The following HPSE2 variants were observed in gnomAD, a reference collection of about 807,000 sequenced individuals.
HPSE2 encodes the protein inactive heparanase-2.
HPSE2 carries 38 observed loss-of-function variants against 60.5 expected under a neutral mutation model. The observed-to-expected ratio is 0.63, with a 90% CI of 0.48 to 0.82. HPSE2 has a LOEUF of 0.82. Among genes scored for constraint, HPSE2 ranks in the 40% least tolerant of loss-of-function variants. The probability of loss-of-function intolerance (pLI) is 0.00; values close to 1 mark genes in which losing one functional copy is unlikely to be tolerated. For missense variants in HPSE2, 713 were observed against 740.4 expected (o/e 0.96, Z 0.43); for synonymous variants, 295 against 293.2 (o/e 1.01, Z -0.06).
chr10:99,283,598 C>A, the HPSE2 span, among the ~76,000 whole-genome samples: 3 of 151,622 alleles, frequency 2.0e-5, no homozygotes, highest in Admixed American at 6.6e-5. Flanking sequence ...AATTAACAAA[C>A]CTTTAGGCAA....
intron 3 of HPSE2, among the ~76,000 whole-genome samples, chr10:99,065,483 TA>T: frequency 6.6e-6 from 1 of 152,310 alleles, no homozygotes; most frequent in East Asian, 1.9e-4. Flanking sequence ...AAAAATCAAT[TA>T]TTTTTATTCA....
At chr10:98,559,843 T>A (rs1386950148) in intron 9 of HPSE2, among the ~76,000 whole-genome samples, 2 of 152,086 alleles carry the variant, frequency 1.3e-5, no homozygotes, top group African/African-American at 4.8e-5. Flanking sequence ...GAAGAGATGG[T>A]TTGTGAGCTG....
chr10:99,177,697 A>C (rs1430470226), intron 2 of HPSE2, among the ~76,000 whole-genome samples: 2 of 152,156 alleles, frequency 1.3e-5, no homozygotes, highest in Non-Finnish European at 2.9e-5. Context: ...CCCACTGTCA[A>C]TATTAGACAG....
chr10:99,214,357 T>G (rs919635063), intron 2 of HPSE2, among the ~76,000 whole-genome samples: 1 of 152,220 alleles, frequency 6.6e-6, no homozygotes, highest in African/African-American at 2.4e-5. Context: ...CTCCTTGGTA[T>G]ATACTCAAGA....
chr10:98,847,137 C>T (rs553524436), intron 3 of HPSE2, among the ~76,000 whole-genome samples: 2 of 152,178 alleles, frequency 1.3e-5, no homozygotes, highest in East Asian at 1.9e-4. Context: ...ACAGAAGATA[C>T]AAACTCAGAA....
At chr10:99,094,540 A>ATATATATATATATATATT in intron 3 of HPSE2, among the ~76,000 whole-genome samples, 1 of 26,614 alleles carries the variant, frequency 3.8e-5, no homozygotes, top group Non-Finnish European at 6.0e-5. Flanking sequence ...ATATATATAT[A>ATATATATATATATATATT]TTTTTTTTTT....
intron 4 of HPSE2, among the ~76,000 whole-genome samples, chr10:98,722,134 T>C (rs529509461): frequency 6.6e-6 from 1 of 150,420 alleles, no homozygotes; most frequent in African/African-American, 2.4e-5. Flanking sequence ...TCCCCCAAAA[T>C]TTATGTCTAC....
intron 3 of HPSE2, among the ~76,000 whole-genome samples, chr10:99,008,431 C>A (rs1214605002): frequency 6.6e-6 from 1 of 151,934 alleles, no homozygotes; most frequent in African/African-American, 2.4e-5. Flanking sequence ...AATGAGAGGC[C>A]AAAAGGAAAG....
At chr10:98,740,857 A>G (rs1949479028) in intron 4 of HPSE2, among the ~76,000 whole-genome samples, 1 of 152,206 alleles carries the variant, frequency 6.6e-6, no homozygotes, top group South Asian at 2.1e-4. Flanking sequence ...TTGGAGAAAC[A>G]TGTCTACCAT....
chr10:98,686,491 T>A (rs180881635), intron 6 of HPSE2, among the ~76,000 whole-genome samples: 1 of 152,226 alleles, frequency 6.6e-6, no homozygotes, highest in African/African-American at 2.4e-5. Flanking sequence ...AGCCTCAAAC[T>A]CCTGGATTCA....
At chr10:98,781,071 C>G (rs1027329453) in intron 3 of HPSE2, among the ~76,000 whole-genome samples, 1 of 151,982 alleles carries the variant, frequency 6.6e-6, no homozygotes, top group African/African-American at 2.4e-5. Flanking sequence ...TGTAGGAAGC[C>G]TGGAATCCTG....
At chr10:99,219,497 G>A (rs1237758316) in intron 2 of HPSE2, among the ~76,000 whole-genome samples, 1 of 152,086 alleles carries the variant, frequency 6.6e-6, no homozygotes, top group Non-Finnish European at 1.5e-5. Flanking sequence ...GTTTCAGATT[G>A]GCCCAACCAC....
At chr10:98,538,260 C>T (rs183403042) in intron 9 of HPSE2, among the ~76,000 whole-genome samples, 11 of 152,294 alleles carry the variant, frequency 7.2e-5, no homozygotes, top group Non-Finnish European at 1.5e-4. Context: ...CTTTCGTCTC[C>T]GCACATGGGG....
intron 6 of HPSE2, among the ~76,000 whole-genome samples, chr10:98,679,823 C>T (rs1947739603): frequency 6.6e-6 from 1 of 151,928 alleles, no homozygotes; most frequent in African/African-American, 2.4e-5. Flanking sequence ...TCCTGTGTAG[C>T]TAGAACTACA....
intron 9 of HPSE2, among the ~76,000 whole-genome samples, chr10:98,511,204 G>A (rs1392518593): frequency 6.6e-6 from 1 of 150,576 alleles, no homozygotes; most frequent in Non-Finnish European, 1.5e-5. Context: ...AGGCTGGAGT[G>A]CAGTGGCACG....
rs112941960 is a variant in HPSE2 at position 98,827,366 on chromosome 10, C to T, written c.611-83310G>A. Among the ~76,000 whole-genome samples the T allele has an allele frequency of 7.0e-4, 107 of 151,930 alleles. No individual in the cohort carries two copies. The South Asian group carries it at 0.02, about 29-fold the overall frequency. On this transcript the variant is annotated intron_variant, in intron 3 of 11. Transcript: ENST00000370552. ...GACTACAGGCATGCACCACCACGCC[C>T]GGCTAATTTTTTTGTATTTTTAGTA...
At chr10:99,271,298 C>T in the HPSE2 span, among the ~76,000 whole-genome samples, 408 of 152,238 alleles carry the variant, frequency 2.7e-3, no homozygotes, top group Middle Eastern at 0.01. Context: ...TTTCAGGATA[C>T]GAAATTAATA....
At chr10:99,183,397 T>A (rs1847853556) in intron 2 of HPSE2, among the ~76,000 whole-genome samples, 1 of 152,208 alleles carries the variant, frequency 6.6e-6, no homozygotes. Context: ...TGTTTTTGGA[T>A]AAACATGGAA....
intron 3 of HPSE2, among the ~76,000 whole-genome samples, chr10:99,045,526 T>A (rs1340306320): frequency 4.0e-5 from 6 of 151,784 alleles, no homozygotes; most frequent in South Asian, 2.1e-4. Context: ...AAAATCCATA[T>A]GAAAAAATCA....
Sources: gnomAD v4.1 joint callset for allele counts (sites outside exome capture counted in the v4.1 genomes callset) on GRCh38, gnomAD v4.1.1 for gene constraint, MANE v1.5 for transcripts, NCBI Gene and HGNC (gene_info 2026-07-23, HGNC 2026-07-21) for gene names.